Variants in RANGAP1 observed in about 807,000 individuals in gnomAD.
The protein encoded by RANGAP1 is Ran GTPase activating protein 1, also known as ran GTPase-activating protein 1.
A neutral mutation model predicts 63.5 loss-of-function variants in RANGAP1; 38 were observed. The observed-to-expected ratio is 0.60, with a 90% confidence interval of 0.46 to 0.78. The LOEUF is 0.78. Among genes scored for constraint, RANGAP1 ranks in the 30% least tolerant of loss-of-function variants. RANGAP1 has a pLI of 0.00. For synonymous variants in RANGAP1, 329 were observed against 310.5 expected (o/e 1.06, Z -0.63); for missense variants, 630 against 740.3 (o/e 0.85, Z 1.73).
the RANGAP1 span, among the ~76,000 whole-genome samples, chr22:41,298,150 G>A: frequency 6.6e-6 from 1 of 151,286 alleles, no homozygotes; most frequent in Admixed American, 6.6e-5. Context: ...GAGCCACCGT[G>A]CCTGGCCACG....
intron 1 of RANGAP1, chr22:41,281,761 A>T: frequency 2.0e-6 from 1 of 500,716 alleles, no homozygotes; most frequent in Non-Finnish European, 2.6e-6. Context: ...ACTCAAGTCT[A>T]CCAGAAGATT....
the RANGAP1 span, among the ~76,000 whole-genome samples, chr22:41,295,097 G>A: frequency 1.3e-5 from 2 of 149,480 alleles, no homozygotes; most frequent in South Asian, 2.1e-4. Flanking sequence ...CCCCCGCCCG[G>A]CCAGCCTCCC....
chr22:41,300,030 C>T, the RANGAP1 span, among the ~76,000 whole-genome samples: 7 of 152,076 alleles, frequency 4.6e-5, no homozygotes, highest in African/African-American at 7.2e-5. Flanking sequence ...GGATTATAGG[C>T]GTGAGCTACC....
intron 6 of RANGAP1, among the ~76,000 whole-genome samples, chr22:41,259,313 T>C (rs980459187): frequency 6.6e-6 from 1 of 152,052 alleles, no homozygotes; most frequent in Non-Finnish European, 1.5e-5. Context: ...GGTCCACAAA[T>C]AAATACAGGA....
intron 2 of RANGAP1, among the ~76,000 whole-genome samples, chr22:41,277,072 T>C (rs1239616524): frequency 9.6e-6 from 1 of 104,040 alleles, no homozygotes; most frequent in Non-Finnish European, 1.9e-5. Flanking sequence ...AAAGTGAGGA[T>C]TTTTTTTTTT....
intron 12 of RANGAP1, among the ~76,000 whole-genome samples, chr22:41,251,800 C>T (rs888879178): frequency 6.6e-6 from 1 of 152,144 alleles, no homozygotes; most frequent in Non-Finnish European, 1.5e-5. Flanking sequence ...TTAAGTGCTA[C>T]ATCCACACAT....
Position 41,257,906 on chromosome 22 carries a change from C to T in RANGAP1, c.774+42G>A, listed in dbSNP as rs145429908. 3,481 of 1,553,336 alleles carry T rather than the reference C, an allele frequency of 2.2e-3. 10 individuals carry two copies. The highest frequency in any genetic ancestry group is 8.8e-3 in the Middle Eastern group (46 of 5,212). On this transcript the variant is annotated intron_variant, in intron 7 of 15. Coordinates refer to ENST00000356244, the MANE Select transcript of RANGAP1 (RefSeq NM_002883.4). This position sits in a 1 kb window ranked among gnomAD's most constrained non-coding sequence, Gnocchi z 4.0. ...TCCCTGGAAAGACAGCAGCCAGCCT[C>T]TATCTGGCGGGGCCCAACTGGCTCT...
intron 10 of RANGAP1, 121 bp downstream of exon 10, chr22:41,255,900 G>T: frequency 1.0e-6 from 1 of 994,988 alleles, no homozygotes; most frequent in Non-Finnish European, 1.5e-6. Context: ...GCTGCAGTGA[G>T]CCGAGATCAC....
At chr22:41,248,424 G>C (rs9611527) in intron 15 of RANGAP1, among the ~76,000 whole-genome samples, 1 of 152,098 alleles carries the variant, frequency 6.6e-6, no homozygotes, top group East Asian at 1.9e-4. Context: ...CACCAGCTGG[G>C]TGCTGGAGGC....
At chr22:41,281,204 G>A in intron 1 of RANGAP1, 122 bp from the exon 2 acceptor site, 2 of 1,153,506 alleles carry the variant, frequency 1.7e-6, no homozygotes, top group Non-Finnish European at 2.4e-6. Flanking sequence ...AGACCCTAGA[G>A]ATAAATCACT....
intron 5 of RANGAP1, 109 bp downstream of exon 5, chr22:41,264,555 A>T: frequency 1.5e-6 from 2 of 1,352,648 alleles, no homozygotes; most frequent in Non-Finnish European, 2.0e-6. Context: ...TCTCTTTTGA[A>T]AACAACGGCT....
intron 4 of RANGAP1, among the ~76,000 whole-genome samples, chr22:41,267,725 G>A (rs963801592): frequency 3.3e-5 from 5 of 152,206 alleles, no homozygotes; most frequent in African/African-American, 7.2e-5. Flanking sequence ...TGTGTGCAGA[G>A]AAGTCATGAA....
intron 2 of RANGAP1, among the ~76,000 whole-genome samples, chr22:41,278,738 C>T (rs538057919): frequency 2.0e-5 from 3 of 152,320 alleles, no homozygotes; most frequent in Admixed American, 6.5e-5. Flanking sequence ...ACAAGGGTGA[C>T]GCAAGCATCA....
At chr22:41,294,386 T>A in the RANGAP1 span, among the ~76,000 whole-genome samples, 5 of 152,092 alleles carry the variant, frequency 3.3e-5, no homozygotes, top group South Asian at 2.1e-4. Flanking sequence ...TGCAGTGGCG[T>A]GATCTCGGCT....
chr22:41,281,402 T>C lies in RANGAP1; in HGVS notation c.-38-320A>G, dbSNP rs189209261. 372 of 1,008,804 alleles carry C rather than the reference T, an allele frequency of 3.7e-4. 2 individuals are homozygous for C. In the Middle Eastern group the frequency reaches 5.0e-3, roughly 14 times the overall value. 62.5% of individuals were successfully genotyped at this position (1,008,804 alleles called of 1,614,324 possible). On this transcript the variant is annotated intron_variant, in intron 1 of 15. Transcript: ENST00000356244. ...CTGCCCATTTCCTGGGCCCCTTCAG[T>C]GAATGGCAGTCAAGTCCCAAACCAA...
At chr22:41,268,307 G>A in intron 3 of RANGAP1, 151 bp from the exon 4 acceptor site, 1 of 667,198 alleles carries the variant, frequency 1.5e-6, no homozygotes, top group Non-Finnish European at 2.6e-6. Context: ...CCAGGCTGGA[G>A]TGCAGTGGCG....
At chr22:41,269,371 A>T (rs2034661328) in intron 3 of RANGAP1, among the ~76,000 whole-genome samples, 2 of 152,210 alleles carry the variant, frequency 1.3e-5, no homozygotes, top group Admixed American at 6.5e-5. Context: ...AAGTTGGAAG[A>T]AATAAGACCT....
At chr22:41,266,537 T>C (rs1280192381) in intron 4 of RANGAP1, among the ~76,000 whole-genome samples, 1 of 152,194 alleles carries the variant, frequency 6.6e-6, no homozygotes, top group African/African-American at 2.4e-5. Flanking sequence ...TGACTTGAAA[T>C]TCTTTTTTTT....
rs930598648 is a variant in RANGAP1 at position 41,280,273 on chromosome 22, C to T, written c.112+660G>A. Among the ~76,000 whole-genome samples the T allele has an allele frequency of 1.3e-5, 2 of 152,168 alleles. 1 individual carries two copies. Among genetic ancestry groups the T allele is most frequent in the South Asian group, 4.1e-4 (2 of 4,828 alleles). On this transcript the variant is annotated intron_variant, in intron 2 of 15. Coordinates refer to ENST00000356244, the MANE Select transcript of RANGAP1 (RefSeq NM_002883.4). ...CAACCAGGCATGTCCAGACCAGTTC[C>T]CCTGGTTGGGCCAGAATCCCAGGAG... is the stretch of plus-strand genomic sequence containing the variant.
Sources: gnomAD v4.1 joint callset for allele counts (sites outside exome capture counted in the v4.1 genomes callset) on GRCh38, gnomAD v4.1.1 for gene constraint, Gnocchi (gnomAD v3.1) non-coding constraint, MANE v1.5 for transcripts, NCBI Gene and HGNC (gene_info 2026-07-23, HGNC 2026-07-21) for gene names.